Variants in TMEM223 observed in about 807,000 individuals in gnomAD.
TMEM223 encodes transmembrane protein 223.
A neutral mutation model predicts 14.1 loss-of-function variants in TMEM223; 14 were observed. The observed-to-expected ratio is 0.99, with a 90% CI of 0.66 to 1.55. The LOEUF (loss-of-function observed/expected upper bound fraction) is 1.55. Ranked by LOEUF, TMEM223 falls within the 40% of genes most tolerant of loss-of-function variation. The probability of loss-of-function intolerance (pLI) is 0.00; values close to 1 mark genes in which losing one functional copy is unlikely to be tolerated. For missense variants in TMEM223, 346 were observed against 269.9 expected, an observed-to-expected ratio of 1.28 and a Z score of -1.97; for synonymous variants, 145 against 120.5, an observed-to-expected ratio of 1.20 and a Z score of -1.33.
intron 1 of TMEM223, among the ~76,000 whole-genome samples, chr11:62,776,915 G>A (rs1315502678): frequency 2.0e-5 from 3 of 151,866 alleles, no homozygotes; most frequent in Non-Finnish European, 4.4e-5. Flanking sequence ...TTGGGAGGTG[G>A]AGGCCGGCGG....
At chr11:62,780,446 G>T (rs1043851200) in intron 1 of TMEM223, among the ~76,000 whole-genome samples, 2 of 152,238 alleles carry the variant, frequency 1.3e-5, no homozygotes, top group South Asian at 4.1e-4. Flanking sequence ...GGGAGGCAGA[G>T]GTTGCTGTGA....
At chr11:62,786,977 C>A (rs868862532), downstream of TMEM223, 3 of 1,448,144 alleles carry the variant, frequency 2.1e-6, no homozygotes, top group Non-Finnish European at 2.7e-6. Flanking sequence ...TCTGGGCCCG[C>A]CGCCTCTGAG....
downstream of TMEM223, among the ~76,000 whole-genome samples, chr11:62,784,998 A>T (rs967352580): frequency 2.0e-5 from 3 of 152,078 alleles, no homozygotes; most frequent in African/African-American, 4.8e-5. Flanking sequence ...GATTTAGATC[A>T]TCTTTTTCTT....
At chr11:62,781,516 T>C (rs531597847) in intron 1 of TMEM223, among the ~76,000 whole-genome samples, 34 of 150,068 alleles carry the variant, frequency 2.3e-4, no homozygotes, top group African/African-American at 7.6e-4. Context: ...TACTAAAAAA[T>C]AGAAAAAATT....
In TMEM223 at chr11:62,790,821, A is replaced by C; in HGVS notation, c.411T>G (p.Thr137=). ...GGGCCCCCAAGCCAAAGGGGGCATG[A>C]GTGGTGAGGGTCACCTGCTGCCCTC... ...RAGGQQVTLT[T]HAPFGLGAHF... The change falls in exon 2 of 2, where the codon ACT becomes ACG. Residue 137 remains threonine, a synonymous_variant. Coordinates refer to ENST00000307366, the MANE Select transcript of TMEM223 (RefSeq NM_001080501.3). 1 of 1,605,818 alleles carries C rather than the reference A, an allele frequency of 6.2e-7. No individual in the cohort carries two copies. The highest frequency in any genetic ancestry group is 2.2e-5 in the East Asian group (1 of 44,562).
chr11:62,780,383 C>T (rs556770125), intron 1 of TMEM223, among the ~76,000 whole-genome samples: 4 of 149,546 alleles, frequency 2.7e-5, no homozygotes, highest in South Asian at 4.3e-4. Flanking sequence ...TGGTGGTGGA[C>T]GCCTGTAATC....
chr11:62,787,392 G>A (rs751328143), downstream of TMEM223: 1 of 1,554,374 alleles, frequency 6.4e-7, no homozygotes. Context: ...GCTTTGGGCG[G>A]GGTGCTGCTG....
At chr11:62,773,336 C>T (rs2084163389) in intron 2 of TMEM223, among the ~76,000 whole-genome samples, 1 of 151,326 alleles carries the variant, frequency 6.6e-6, no homozygotes, top group African/African-American at 2.4e-5. Flanking sequence ...TTAGTAGAGA[C>T]GAGGTTTCAC....
chr11:62,787,164 G>T (rs553298284), downstream of TMEM223: 1 of 1,581,116 alleles, frequency 6.3e-7, no homozygotes, highest in Admixed American at 1.7e-5. Flanking sequence ...GCCTTTTCCA[G>T]ACTGCCTTCC....
downstream of TMEM223, chr11:62,771,636 C>T (rs559748695): frequency 6.3e-4 from 113 of 178,070 alleles, no homozygotes; most frequent in African/African-American, 2.5e-3. Context: ...CCTCCCCCCG[C>T]GCACCCCCTC....
At chr11:62,776,542 A>G in intron 1 of TMEM223, 1 of 1,489,844 alleles carries the variant, frequency 6.7e-7, no homozygotes, top group South Asian at 1.1e-5. Flanking sequence ...AGGGCTGGCG[A>G]TGTGGTGAGA....
At chr11:62,788,053 G>C (rs1016100031), downstream of TMEM223, 1 of 453,588 alleles carries the variant, frequency 2.2e-6, no homozygotes, top group South Asian at 1.6e-5. Context: ...ATAAACATGG[G>C]TTCATTTAAT....
In TMEM223 at chr11:62,791,850, C is replaced by T. The variant is rs762854073; in HGVS notation, c.145G>A (p.Gly49Arg). ...HDRGRFFTILGLFCAGQGVFW... is the reference protein window; with the variant it reads ...HDRGRFFTILRLFCAGQGVFW... Reference sequence around the variant, plus strand: ...ACGCCCTGGCCCGCGCAGAACAGCCCGAGGATGGTGAAGAAGCGGCCCCGA... The same window carrying T: ...ACGCCCTGGCCCGCGCAGAACAGCCTGAGGATGGTGAAGAAGCGGCCCCGA... The change falls in exon 1 of 2, where the codon GGG becomes AGG. Residue 49 changes from glycine (G) to arginine (R), a missense_variant. Gly to Arg is a moderately radical substitution (Grantham distance 125, BLOSUM62 -2). Transcript: ENST00000307366. 3 of 1,592,394 alleles carry T rather than the reference C, an allele frequency of 1.9e-6. No individual in the cohort carries two copies. The highest frequency in any genetic ancestry group is 1.3e-5 in the African/African-American group (1 of 74,648).
downstream of TMEM223, chr11:62,787,403 C>A: frequency 1.3e-6 from 2 of 1,556,650 alleles, no homozygotes; most frequent in Non-Finnish European, 8.6e-7. Flanking sequence ...GGTGCTGCTG[C>A]AGCGGCGCTT....
chr11:62,789,075 C>T (rs972769690), downstream of TMEM223: 3 of 1,614,216 alleles, frequency 1.9e-6, no homozygotes, highest in African/African-American at 2.7e-5. Flanking sequence ...CTGAATGGCT[C>T]CTCCCTGGCC....
At chr11:62,789,660 C>T, downstream of TMEM223, 2 of 1,547,778 alleles carry the variant, frequency 1.3e-6, no homozygotes, top group Non-Finnish European at 1.7e-6. Flanking sequence ...CAGTTTTACT[C>T]CAACCTACAC....
Position 62,790,890 on chromosome 11 carries a change from A to T in TMEM223, c.342T>A (p.Leu114=). Residue 114 remains leucine (L), a synonymous_variant, in exon 2 of 2, where the codon CTT becomes CTA. Coordinates refer to ENST00000307366, the MANE Select transcript of TMEM223 (RefSeq NM_001080501.3). Reference sequence around the variant, plus strand: ...AGCGCACAGACCGGAGAGAGAAGAGAAGACCAGCACCGAGTACGAGGGCTC... The same window carrying T: ...AGCGCACAGACCGGAGAGAGAAGAGTAGACCAGCACCGAGTACGAGGGCTC... ...AIGALVLGAG[L]LFSLRSVRSV... is the part of the protein sequence containing the mutation. The T allele has an allele frequency of 6.3e-7, 1 of 1,597,446 alleles. No individual in the cohort carries two copies. Among genetic ancestry groups the T allele is most frequent in the African/African-American group, 1.3e-5 (1 of 74,692 alleles).
chr11:62,775,968 T>A (rs780488705), intron 1 of TMEM223: 4 of 1,569,816 alleles, frequency 2.5e-6, no homozygotes, highest in Non-Finnish European at 3.5e-6. Flanking sequence ...CCAACTTTCC[T>A]TGTTTCTGCC....
At position 62,791,747 on chromosome 11, in the gene TMEM223, T is replaced by C. The variant is rs2084363864; in HGVS notation, c.248A>G (p.Asn83Ser). ...PVQPLDAEVPNRGPFDLRSAL... is the reference protein window; with the variant it reads ...PVQPLDAEVPSRGPFDLRSAL... ...GGAGCGCAGGTCGAAGGGGCCACGA[T>C]TTGGGACCTCCGCATCCAGAGGCTG... The change falls in exon 1 of 2, where the codon AAT (asparagine) becomes AGT (serine). Residue 83 changes from asparagine (N) to serine (S), a missense_variant. Physicochemically the swap from Asn to Ser is conservative, Grantham distance 46. Coordinates refer to ENST00000307366, the MANE Select transcript of TMEM223 (RefSeq NM_001080501.3). The C allele has an allele frequency of 2.6e-6, 4 of 1,562,938 alleles. No individual in the cohort carries two copies. The highest frequency in any genetic ancestry group is 3.8e-5 in the Admixed American group (2 of 52,122).
Sources: allele counts gnomAD v4.1 joint callset (sites outside exome capture counted in the v4.1 genomes callset), GRCh38; gene constraint gnomAD v4.1.1; transcripts MANE v1.5; gene names NCBI Gene and HGNC (gene_info 2026-07-23, HGNC 2026-07-21).